Variants in ETNK1 observed in about 807,000 individuals in gnomAD.
ETNK1 encodes the protein putative protein product of Nbla10396.
ETNK1 carries 8 observed loss-of-function variants against 45.1 expected under a neutral mutation model. The ratio of observed to expected loss-of-function variants is 0.18; its 90% CI spans 0.10 to 0.32. The LOEUF is 0.32. ETNK1 is among the 10% of genes least tolerant of loss of function. ETNK1 has a pLI of 1.00. For missense variants in ETNK1, 302 were observed against 430.6 expected, an observed-to-expected ratio of 0.70 and a Z score of 2.64; for synonymous variants, 152 against 151.9, an observed-to-expected ratio of 1.00 and a Z score of -0.01.
intron 1 of ETNK1, among the ~76,000 whole-genome samples, chr12:22,629,320 C>G (rs1235252933): frequency 6.6e-6 from 1 of 152,066 alleles, no homozygotes; most frequent in African/African-American, 2.4e-5. Context: ...GTTCTTTCTG[C>G]TTTACTACAG....
At chr12:22,683,258 G>A (rs1399024023) in intron 6 of ETNK1, among the ~76,000 whole-genome samples, 6 of 150,348 alleles carry the variant, frequency 4.0e-5, no homozygotes, top group South Asian at 4.2e-4. Flanking sequence ...TTATATTCCT[G>A]TTCTTTTTTT....
intron 2 of ETNK1, chr12:22,656,733 T>C: frequency 1.0e-6 from 1 of 984,132 alleles, no homozygotes; most frequent in Non-Finnish European, 1.2e-6. Flanking sequence ...CAGGGTCTCT[T>C]ATAAACCCTG....
intron 2 of ETNK1, chr12:22,656,667 A>G (rs1953945092): frequency 7.1e-6 from 7 of 985,402 alleles, no homozygotes; most frequent in Non-Finnish European, 8.4e-6. Flanking sequence ...TGACAGTTCC[A>G]GCACGTGTGT....
Position 22,687,170 on chromosome 12 carries a change from C to T in ETNK1, c.*2216C>T, listed in dbSNP as rs1047671721. On this transcript the variant is annotated 3_prime_UTR_variant, in exon 8 of 8. Transcript: ENST00000266517. ...AGATATCTAATCTATTTTCCCCATT[C>T]TGGCTAGATTTTGGTTGTTGTGATG... is the stretch of plus-strand genomic sequence containing the variant. 1 of 151,904 alleles carries T rather than the reference C, an allele frequency of 6.6e-6. No homozygotes were observed. The highest frequency in any genetic ancestry group is 1.5e-5 in the Non-Finnish European group (1 of 67,768). 9.4% of individuals were successfully genotyped at this position (151,904 alleles called of 1,614,324 possible).
chr12:22,639,715 A>G (rs749629331), intron 1 of ETNK1, among the ~76,000 whole-genome samples: 1 of 152,164 alleles, frequency 6.6e-6, no homozygotes, highest in Non-Finnish European at 1.5e-5. Context: ...TTAGATTTCA[A>G]ATCATAGGTA....
chr12:22,661,735 G>T (rs1367816622), intron 4 of ETNK1, among the ~76,000 whole-genome samples: 1 of 152,184 alleles, frequency 6.6e-6, no homozygotes, highest in Non-Finnish European at 1.5e-5. Flanking sequence ...ATTATTTGTA[G>T]TTGCTCAAAT....
intron 3 of ETNK1, 21 bp downstream of exon 3, chr12:22,659,175 G>C (rs1248438145): frequency 1.2e-6 from 2 of 1,602,088 alleles, no homozygotes; most frequent in Non-Finnish European, 1.7e-6. Flanking sequence ...TTTTACATTT[G>C]AAATTATGTT....
chr12:22,646,998 T>G (rs1167400247), intron 2 of ETNK1, among the ~76,000 whole-genome samples: 5 of 151,802 alleles, frequency 3.3e-5, no homozygotes, highest in African/African-American at 4.8e-5. Context: ...TGAACTGAAC[T>G]TTGAAGGACA....
chr12:22,654,347 G>C (rs1306330084), intron 2 of ETNK1, among the ~76,000 whole-genome samples: 2 of 152,202 alleles, frequency 1.3e-5, no homozygotes, highest in Non-Finnish European at 2.9e-5. Flanking sequence ...TCTGGAGTGT[G>C]AGAAGAAGAT....
At chr12:22,666,821 T>C (rs1469062601) in intron 4 of ETNK1, among the ~76,000 whole-genome samples, 1 of 152,166 alleles carries the variant, frequency 6.6e-6, no homozygotes, top group Non-Finnish European at 1.5e-5. Flanking sequence ...ACAATATAAA[T>C]AGAAAATGGG....
At chr12:22,651,822 A>T (rs1592124268) in intron 2 of ETNK1, among the ~76,000 whole-genome samples, 1 of 151,222 alleles carries the variant, frequency 6.6e-6, no homozygotes, top group Non-Finnish European at 1.5e-5. Context: ...AGTAGCTGGG[A>T]CTATAGGTGC....
intron 6 of ETNK1, among the ~76,000 whole-genome samples, chr12:22,679,040 G>C (rs748042238): frequency 1.3e-4 from 20 of 152,246 alleles, no homozygotes; most frequent in Non-Finnish European, 2.5e-4. Flanking sequence ...GCATTCTCCA[G>C]AGGGACAGAA....
chr12:22,653,923 A>G (rs777406904), intron 2 of ETNK1, among the ~76,000 whole-genome samples: 1 of 152,190 alleles, frequency 6.6e-6, no homozygotes, highest in Non-Finnish European at 1.5e-5. Flanking sequence ...ACTTATTTCC[A>G]TGAGAAGATT....
chr12:22,652,537 C>A (rs1015389312), intron 2 of ETNK1, among the ~76,000 whole-genome samples: 1 of 152,218 alleles, frequency 6.6e-6, no homozygotes, highest in East Asian at 1.9e-4. Context: ...TTTGTAGTAA[C>A]CATTCTAATG....
At chr12:22,657,312 A>C (rs999193931) in intron 2 of ETNK1, among the ~76,000 whole-genome samples, 1 of 152,202 alleles carries the variant, frequency 6.6e-6, no homozygotes, top group Non-Finnish European at 1.5e-5. Context: ...TATGGATTTT[A>C]ATATTTTAAT....
At chr12:22,651,979 C>T (rs985382379) in intron 2 of ETNK1, among the ~76,000 whole-genome samples, 1 of 152,136 alleles carries the variant, frequency 6.6e-6, no homozygotes, top group Non-Finnish European at 1.5e-5. Context: ...AGCCACCACG[C>T]CTGGCCAATT....
intron 2 of ETNK1, among the ~76,000 whole-genome samples, chr12:22,653,606 C>T (rs73080486): frequency 0.068 from 10,298 of 152,020 alleles, 497 homozygotes; most frequent in South Asian, 0.14. Context: ...TATTTCTTTT[C>T]GATGCTATCG....
Position 22,627,003 on chromosome 12 carries a change from AGT to A in ETNK1, c.156+1419_156+1420del, listed in dbSNP as rs563146903. On this transcript the variant is annotated intron_variant, in intron 1 of 7. Coordinates refer to ENST00000266517, the MANE Select transcript of ETNK1 (RefSeq NM_018638.5). ...ATACATAAAACATTATTAATTAAAA[AGT>A]GCTACTTCCTGGTAAACTCTAGTGT... Among the ~76,000 whole-genome samples the A allele has an allele frequency of 1.5e-3, 235 of 152,316 alleles. 1 individual carries two copies. Among genetic ancestry groups the A allele is most frequent in the Middle Eastern group, 6.8e-3 (2 of 294 alleles).
At chr12:22,661,646 T>A (rs1395434766) in intron 4 of ETNK1, among the ~76,000 whole-genome samples, 1 of 152,180 alleles carries the variant, frequency 6.6e-6, no homozygotes, top group Non-Finnish European at 1.5e-5. Flanking sequence ...CAAATGTGTC[T>A]CCAGGTTTCT....
Sources: allele counts gnomAD v4.1 joint callset (sites outside exome capture counted in the v4.1 genomes callset), GRCh38; gene constraint gnomAD v4.1.1; transcripts MANE v1.5; gene names NCBI Gene and HGNC (gene_info 2026-07-23, HGNC 2026-07-21).